Variants in SH3GL3 observed in about 807,000 individuals in gnomAD.
SH3GL3 encodes SH3 domain containing GRB2 like 3, endophilin A3.
A neutral mutation model predicts 47.7 loss-of-function variants in SH3GL3; 33 were observed. The ratio of observed to expected loss-of-function variants is 0.69; its 90% confidence interval spans 0.52 to 0.92. SH3GL3 has a LOEUF of 0.92. Ranked by LOEUF, SH3GL3 falls within the 40% of genes least tolerant of loss-of-function variation. The pLI, the probability that SH3GL3 is intolerant of heterozygous loss-of-function variation, is 0.00. For missense variants in SH3GL3, 363 were observed against 417.8 expected (o/e 0.87, Z 1.14); for synonymous variants, 155 against 148.8 (o/e 1.04, Z -0.30).
intron 1 of SH3GL3, among the ~76,000 whole-genome samples, chr15:83,519,752 G>A (rs1465224913): frequency 1.3e-5 from 2 of 152,146 alleles, no homozygotes; most frequent in African/African-American, 2.4e-5. Context: ...GTGTAGTCAA[G>A]TTTATCCTTC....
At chr15:83,449,125 A>T (rs1159888665) in intron 1 of SH3GL3, among the ~76,000 whole-genome samples, 1 of 152,220 alleles carries the variant, frequency 6.6e-6, no homozygotes, top group Non-Finnish European at 1.5e-5. Context: ...GGCAGACTCT[A>T]GACAGCACCC....
chr15:83,552,412 G>T (rs917851316), intron 1 of SH3GL3, among the ~76,000 whole-genome samples: 5 of 151,826 alleles, frequency 3.3e-5, no homozygotes, highest in African/African-American at 1.2e-4. Flanking sequence ...TGTTATTTAG[G>T]ACAGAATTTT....
Position 83,554,280 on chromosome 15 carries a change from C to T in SH3GL3, c.46-4973C>T, listed in dbSNP as rs572620177. ...CCGGCTCACCGCAATGTCTACCTCC[C>T]GGGTTCAAGCGATTCTCCTGCCTCA... On this transcript the variant is annotated intron_variant, in intron 1 of 8. Transcript: ENST00000427482. Among the ~76,000 whole-genome samples the T allele has an allele frequency of 4.6e-5, 7 of 152,196 alleles. No homozygotes were observed. The South Asian group carries it at 6.2e-4, about 14-fold the overall frequency.
chr15:83,552,859 T>G (rs1357506557), intron 1 of SH3GL3, among the ~76,000 whole-genome samples: 1 of 152,206 alleles, frequency 6.6e-6, no homozygotes, highest in Non-Finnish European at 1.5e-5. Context: ...TGCTTTATAT[T>G]TTTTGGAGGT....
the SH3GL3 span, among the ~76,000 whole-genome samples, chr15:83,626,981 C>T: frequency 2.0e-5 from 3 of 152,162 alleles, no homozygotes; most frequent in African/African-American, 7.2e-5. Flanking sequence ...AATATCATGA[C>T]CTTTCCGTAT....
At chr15:83,511,999 C>T (rs1025255249) in intron 1 of SH3GL3, among the ~76,000 whole-genome samples, 3 of 152,144 alleles carry the variant, frequency 2.0e-5, no homozygotes, top group African/African-American at 4.8e-5. Flanking sequence ...GTTTTTGCAC[C>T]ATGTCAGCAC....
chr15:83,534,732 A>G (rs1444765201), intron 1 of SH3GL3, among the ~76,000 whole-genome samples: 2 of 152,230 alleles, frequency 1.3e-5, no homozygotes, highest in African/African-American at 4.8e-5. Context: ...AAAGCAGCAG[A>G]AATTGCAATA....
rs556976223 is a variant in SH3GL3, at chr15:83,588,862, C to T, written c.838+91C>T. ...CTGCTTGTTTCTGGGTCAGTGAATACACACAGACCCTGGATATCTTTCTTT... is the reference window on the plus strand; with the variant it reads ...CTGCTTGTTTCTGGGTCAGTGAATATACACAGACCCTGGATATCTTTCTTT... On this transcript the variant is annotated intron_variant, in intron 8 of 8. Transcript: ENST00000427482. 1.1e-4 allele frequency: 76 copies of T among 715,494 alleles called. No homozygotes were observed. In the East Asian group the frequency reaches 1.8e-3, roughly 17 times the overall value. 44.3% of individuals were successfully genotyped at this position (715,494 alleles called of 1,614,324 possible).
intron 8 of SH3GL3, among the ~76,000 whole-genome samples, chr15:83,592,075 G>A (rs1203139482): frequency 6.6e-6 from 1 of 152,194 alleles, no homozygotes; most frequent in Non-Finnish European, 1.5e-5. Flanking sequence ...GCTCTCAGAG[G>A]AAACACTTTC....
At chr15:83,587,599 G>GTATTAGTATTAGT (rs1465977787) in intron 7 of SH3GL3, among the ~76,000 whole-genome samples, 3 of 146,194 alleles carry the variant, frequency 2.1e-5, no homozygotes, top group African/African-American at 7.5e-5. Flanking sequence ...TCATAATATT[G>GTATTAGTATTAGT]ACTAGTATTG....
chr15:83,520,541 G>C (rs987990959), intron 1 of SH3GL3, among the ~76,000 whole-genome samples: 1 of 152,134 alleles, frequency 6.6e-6, no homozygotes, highest in African/African-American at 2.4e-5. Context: ...AGGTGCTGGT[G>C]AATTAGACTG....
chr15:83,523,696 A>G (rs145086945), intron 1 of SH3GL3, among the ~76,000 whole-genome samples: 106 of 152,268 alleles, frequency 7.0e-4, no homozygotes, highest in African/African-American at 2.3e-3. Flanking sequence ...AACATAGCCT[A>G]AACTATTGTT....
chr15:83,492,267 A>C (rs1051545855), intron 1 of SH3GL3, among the ~76,000 whole-genome samples: 3 of 131,056 alleles, frequency 2.3e-5, no homozygotes, highest in Non-Finnish European at 4.7e-5. Flanking sequence ...GTGACAGAGC[A>C]AGACTCCCTC....
chr15:83,602,665 A>G (rs1052274241), intron 8 of SH3GL3, among the ~76,000 whole-genome samples: 4 of 152,186 alleles, frequency 2.6e-5, no homozygotes, highest in Admixed American at 2.6e-4. Flanking sequence ...CATAGCAAAT[A>G]GGAAATACAC....
intron 1 of SH3GL3, among the ~76,000 whole-genome samples, chr15:83,538,224 T>C (rs1320179194): frequency 6.6e-6 from 1 of 152,214 alleles, no homozygotes; most frequent in East Asian, 1.9e-4. Context: ...ACATTATTTC[T>C]ACTATTCAAA....
chr15:83,501,203 A>C (rs1275143413), intron 1 of SH3GL3, among the ~76,000 whole-genome samples: 2 of 152,224 alleles, frequency 1.3e-5, no homozygotes, highest in Non-Finnish European at 2.9e-5. Flanking sequence ...ATAATTAACA[A>C]CTTTATAACA....
chr15:83,576,166 A>C (rs536358743), intron 5 of SH3GL3, among the ~76,000 whole-genome samples: 2 of 152,160 alleles, frequency 1.3e-5, no homozygotes, highest in Non-Finnish European at 2.9e-5. Context: ...TTTATAGTCT[A>C]CTACTTAGTC....
At chr15:83,545,318 T>A (rs1308403846) in intron 1 of SH3GL3, among the ~76,000 whole-genome samples, 1 of 152,188 alleles carries the variant, frequency 6.6e-6, no homozygotes, top group Non-Finnish European at 1.5e-5. Context: ...CATTCTTCAG[T>A]TTGTCAGTTG....
At chr15:83,481,442 T>C (rs564750900) in intron 1 of SH3GL3, among the ~76,000 whole-genome samples, 1 of 152,302 alleles carries the variant, frequency 6.6e-6, no homozygotes, top group South Asian at 2.1e-4. Context: ...AGCTTTGTTT[T>C]ATTGAGGTGG....
Sources: gnomAD v4.1 joint callset for allele counts (sites outside exome capture counted in the v4.1 genomes callset) on GRCh38, gnomAD v4.1.1 for gene constraint, MANE v1.5 for transcripts, NCBI Gene and HGNC (gene_info 2026-07-23, HGNC 2026-07-21) for gene names.